ACOT12: variants seen among roughly 807,000 people sequenced by gnomAD.
ACOT12 encodes the protein acyl-CoA thioesterase 12.
A neutral mutation model predicts 67.7 loss-of-function variants in ACOT12; 51 were observed. The observed-to-expected ratio is 0.75, with a 90% CI of 0.60 to 0.95. ACOT12 has a LOEUF of 0.95. Among genes scored for constraint, ACOT12 ranks in the 40% least tolerant of loss-of-function variants. ACOT12 has a pLI of 0.00. For missense variants in ACOT12, 734 were observed against 708.1 expected (o/e 1.04, Z -0.41); for synonymous variants, 251 against 244.6 (o/e 1.03, Z -0.24).
chr5:81,345,033 A>C lies in ACOT12; in HGVS notation c.782T>G (p.Val261Gly). Residue 261 changes from valine to glycine, a missense_variant, in exon 8 of 15, where the codon GTT (valine) becomes GGT (glycine). Transcript: ENST00000307624. ...VNNTFQTCVE[V>G]GVRVEAFDCQ... ...GTCAAAGGCCTCCACGCGAACTCCAACTTCAACACTGTGAAGGGTGATGCA... is the reference window on the plus strand; with the variant it reads ...GTCAAAGGCCTCCACGCGAACTCCACCTTCAACACTGTGAAGGGTGATGCA... The C allele has an allele frequency of 6.2e-7, 1 of 1,614,044 alleles. No homozygotes were observed. The highest frequency in any genetic ancestry group is 8.5e-7 in the Non-Finnish European group (1 of 1,179,978).
chr5:81,361,011 G>A (rs1759887965), intron 4 of ACOT12, among the ~76,000 whole-genome samples: 1 of 146,520 alleles, frequency 6.8e-6, no homozygotes, highest in Admixed American at 7.1e-5. Flanking sequence ...CCAGGAGAAG[G>A]AGGTTGCAGT....
At chr5:81,341,234 C>T (rs1311913359) in intron 11 of ACOT12, among the ~76,000 whole-genome samples, 1 of 152,082 alleles carries the variant, frequency 6.6e-6, no homozygotes, top group Admixed American at 6.6e-5. Context: ...CATCACTGAA[C>T]CAGGCAAAGA....
intron 11 of ACOT12, among the ~76,000 whole-genome samples, chr5:81,338,457 C>G (rs1311890055): frequency 6.6e-6 from 1 of 152,102 alleles, no homozygotes; most frequent in Non-Finnish European, 1.5e-5. Flanking sequence ...CTGCTCTAGC[C>G]ATGTAGGACG....
At chr5:81,333,600 A>C (rs187508367) in intron 12 of ACOT12, among the ~76,000 whole-genome samples, 1 of 152,344 alleles carries the variant, frequency 6.6e-6, no homozygotes, top group East Asian at 1.9e-4. Context: ...ACATAGAGAT[A>C]GTGGGAGAAA....
At chr5:81,347,617 A>C (rs1333176595) in intron 6 of ACOT12, among the ~76,000 whole-genome samples, 157 bp downstream of exon 6, 1 of 152,252 alleles carries the variant, frequency 6.6e-6, no homozygotes, top group Non-Finnish European at 1.5e-5. Flanking sequence ...TTAATCCTAA[A>C]GTAAGAAAGT....
intron 6 of ACOT12, among the ~76,000 whole-genome samples, chr5:81,346,785 CTA>C (rs149063510): frequency 0.021 from 3,196 of 152,198 alleles, 107 homozygotes; most frequent in African/African-American, 0.073. Flanking sequence ...TGGTTTGTAA[CTA>C]TAGTCATAAC....
intron 11 of ACOT12, among the ~76,000 whole-genome samples, chr5:81,336,744 T>C (rs1759015478): frequency 6.6e-6 from 1 of 152,124 alleles, no homozygotes; most frequent in African/African-American, 2.4e-5. Flanking sequence ...ACCATTCCCA[T>C]GGCAACAAGC....
intron 2 of ACOT12, among the ~76,000 whole-genome samples, chr5:81,379,574 C>T (rs1760520131): frequency 6.6e-6 from 1 of 152,126 alleles, no homozygotes; most frequent in Non-Finnish European, 1.5e-5. Flanking sequence ...TGGGCATTAT[C>T]ATTCCCATTT....
chr5:81,367,469 C>A (rs1459382500), intron 3 of ACOT12, among the ~76,000 whole-genome samples: 1 of 152,066 alleles, frequency 6.6e-6, no homozygotes, highest in Non-Finnish European at 1.5e-5. Context: ...AAGGTTATTA[C>A]ACTATACTCA....
At chr5:81,373,869 G>GAAAAAAA (rs1561347119) in intron 2 of ACOT12, among the ~76,000 whole-genome samples, 2 of 152,096 alleles carry the variant, frequency 1.3e-5, no homozygotes, top group African/African-American at 4.8e-5. Flanking sequence ...GCATCTCCCT[G>GAAAAAAA]GGACAGAGCA....
downstream of ACOT12, among the ~76,000 whole-genome samples, chr5:81,326,522 C>A (rs529337410): frequency 6.6e-6 from 1 of 152,310 alleles, no homozygotes; most frequent in African/African-American, 2.4e-5. Flanking sequence ...TTACTCATGA[C>A]ACAGCAAGCA....
intron 4 of ACOT12, among the ~76,000 whole-genome samples, chr5:81,361,961 AT>A (rs1160293064): frequency 6.6e-6 from 1 of 152,146 alleles, no homozygotes; most frequent in African/African-American, 2.4e-5. Flanking sequence ...CAAACCACTG[AT>A]TTTTCATGGG....
rs549673183 is a variant in ACOT12, at chr5:81,375,417, G to A, written c.198-3607C>T. On this transcript the variant is annotated intron_variant, in intron 2 of 14. Transcript: ENST00000307624. ...AAATTGTAAAGACCATTGACACTAT[G>A]AGGAAACTGCATCAACTAACAGGCA... Among the ~76,000 whole-genome samples the A allele has an allele frequency of 1.4e-4, 22 of 152,238 alleles. No homozygotes were observed. In the South Asian group the frequency reaches 2.1e-3, roughly 14 times the overall value.
intron 3 of ACOT12, among the ~76,000 whole-genome samples, 159 bp downstream of exon 3, chr5:81,371,591 T>C (rs1760254465): frequency 6.6e-6 from 1 of 152,210 alleles, no homozygotes; most frequent in South Asian, 2.1e-4. Flanking sequence ...AAACATCTGC[T>C]GCTTATTATT....
chr5:81,373,715 A>G (rs908431895), intron 2 of ACOT12, among the ~76,000 whole-genome samples: 1 of 152,150 alleles, frequency 6.6e-6, no homozygotes, highest in Non-Finnish European at 1.5e-5. Context: ...AGGCTTGAGT[A>G]GGCAGTTTTA....
Position 81,394,100 on chromosome 5 carries a change from C to T in ACOT12, c.15G>A (p.Ala5=). ...CTTGGCTCATGACCACCTCGCCGGG[C>T]GCCGGCCGCTCCATGGCCAGGGCGA... MERP[A]PGEVVMSQAI... Residue 5 remains alanine (A), a synonymous_variant, in exon 1 of 15, where the codon GCG becomes GCA. Transcript: ENST00000307624. The T allele has an allele frequency of 2.8e-6, 4 of 1,454,196 alleles. No homozygotes were observed. The highest frequency in any genetic ancestry group is 3.6e-6 in the Non-Finnish European group (4 of 1,108,250). The allele number at this position is 1,454,196 out of a possible 1,614,324, so 90.1% of individuals were successfully genotyped here. A position where few individuals can be genotyped will look rare whatever the true frequency, so the allele number is the denominator to read the frequency against.
chr5:81,342,677 C>T lies in ACOT12; in HGVS notation c.1123G>A (p.Glu375Lys), dbSNP rs755738562. The T allele has an allele frequency of 6.2e-7, 1 of 1,614,164 alleles. No homozygotes were observed. The highest frequency in any genetic ancestry group is 8.5e-7 in the Non-Finnish European group (1 of 1,180,008). Residue 375 changes from glutamate (E) to lysine (K), a missense_variant, in exon 11 of 15, where the codon GAA becomes AAA. Glu to Lys is a moderately conservative substitution (Grantham distance 56). Transcript: ENST00000307624. ...KRGWEVTSTV[E>K]KIKIYTLEEH... ...AATACCTGGAAGTGTCCTACCTTTT[C>T]CACAGTGCTGGTAACCTCCCAACCC...
chr5:81,332,396 C>A, intron 13 of ACOT12, 81 bp downstream of exon 13: 1 of 1,461,092 alleles, frequency 6.8e-7, no homozygotes, highest in Non-Finnish European at 9.4e-7. Context: ...TCTACACAGA[C>A]TTCATTATTT....
intron 12 of ACOT12, 41 bp downstream of exon 12, chr5:81,335,727 T>A: frequency 6.3e-7 from 1 of 1,592,362 alleles, no homozygotes; most frequent in East Asian, 2.2e-5. Flanking sequence ...TTTTACATTA[T>A]GTCAAGGTTG....
Sources: gnomAD v4.1 joint callset for allele counts (sites outside exome capture counted in the v4.1 genomes callset) on GRCh38, gnomAD v4.1.1 for gene constraint, MANE v1.5 for transcripts, NCBI Gene and HGNC (gene_info 2026-07-23, HGNC 2026-07-21) for gene names.